The following MARCHF8 variants were observed in gnomAD, a reference collection of about 807,000 sequenced individuals.
The protein encoded by MARCHF8 is membrane associated ring-CH-type finger 8, also known as E3 ubiquitin-protein ligase MARCHF8.
In MARCHF8, 40 loss-of-function variants were observed where a neutral mutation model predicts 51.6. The ratio of observed to expected loss-of-function variants is 0.77; its 90% CI spans 0.60 to 1.01. MARCHF8 has a LOEUF of 1.01. MARCHF8 is among the 50% of genes least tolerant of loss of function. The pLI, the probability that MARCHF8 is intolerant of heterozygous loss-of-function variation, is 0.00. For synonymous variants in MARCHF8, 263 were observed against 280.3 expected, an observed-to-expected ratio of 0.94 and a Z score of 0.62; for missense variants, 685 against 708.6, an observed-to-expected ratio of 0.97 and a Z score of 0.38.
At chr10:45,567,543 C>T (rs1248443880) in intron 1 of MARCHF8, among the ~76,000 whole-genome samples, 2 of 152,022 alleles carry the variant, frequency 1.3e-5, no homozygotes, top group Non-Finnish European at 2.9e-5. Context: ...TGTCTTTTCC[C>T]CAGAGTATGT....
chr10:45,566,974 T>C (rs763906516), intron 1 of MARCHF8, among the ~76,000 whole-genome samples: 1 of 152,190 alleles, frequency 6.6e-6, no homozygotes, highest in Non-Finnish European at 1.5e-5. Context: ...GGATATGACA[T>C]ATTAATTAGG....
chr10:45,463,715 A>T lies in MARCHF8; in HGVS notation c.524T>A (p.Val175Glu), dbSNP rs1286977152. 4 of 1,551,002 alleles carry T rather than the reference A, an allele frequency of 2.6e-6. No homozygotes were observed. In the South Asian group the frequency reaches 4.8e-5, roughly 18 times the overall value. Reference protein sequence around the residue: ...AQDTSESFAYVERTCSEGKLI... With the variant: ...AQDTSESFAYEERTCSEGKLI... ...TTTCCCTTCAGAACAAGTTCTTTCC[A>T]CATAGGCAAAACTTTCTGAAGTATC... is the stretch of plus-strand genomic sequence containing the variant. Residue 175 changes from valine (V) to glutamate (E), a missense_variant, in exon 5 of 8, where the codon GTG becomes GAG. Coordinates refer to ENST00000453424, the MANE Select transcript of MARCHF8 (RefSeq NM_001282866.2).
At chr10:45,495,743 G>A (rs1322776984) in intron 2 of MARCHF8, among the ~76,000 whole-genome samples, 1 of 141,236 alleles carries the variant, frequency 7.1e-6, no homozygotes, top group African/African-American at 2.6e-5. Context: ...AATTTGTTAG[G>A]AGGGGAGGGG....
At chr10:45,465,641 G>A (rs1008275030) in intron 3 of MARCHF8, among the ~76,000 whole-genome samples, 35 of 152,234 alleles carry the variant, frequency 2.3e-4, no homozygotes, top group African/African-American at 5.3e-4. Context: ...GGCACCCATC[G>A]CATGGCTGCT....
intron 6 of MARCHF8, 69 bp from the exon 7 acceptor site, chr10:45,459,336 T>C (rs974190780): frequency 1.3e-6 from 2 of 1,521,342 alleles, no homozygotes; most frequent in Non-Finnish European, 1.8e-6. Flanking sequence ...GAGAGCATTG[T>C]AGGTAGGTAA....
At chr10:45,477,331 G>C (rs1239353623) in intron 3 of MARCHF8, among the ~76,000 whole-genome samples, 1 of 152,160 alleles carries the variant, frequency 6.6e-6, no homozygotes, top group Admixed American at 6.5e-5. Flanking sequence ...TATAAGAAAT[G>C]CTTAAGGGAA....
chr10:45,495,223 A>C (rs1452344424), intron 2 of MARCHF8, among the ~76,000 whole-genome samples: 2 of 152,172 alleles, frequency 1.3e-5, no homozygotes, highest in East Asian at 3.8e-4. Context: ...TAAAACTGAC[A>C]GCGTAAAAAC....
chr10:45,511,556 C>T lies in MARCHF8; in HGVS notation c.102+21554G>A, dbSNP rs546702868. Reference sequence around the variant, plus strand: ...CCGAGTGCCTGCGATTACAGGCGCGCGCCGCCACACCTGACTGGTTTTCTT... The same window carrying T: ...CCGAGTGCCTGCGATTACAGGCGCGTGCCGCCACACCTGACTGGTTTTCTT... On this transcript the variant is annotated intron_variant, in intron 2 of 7. Coordinates refer to ENST00000453424, the MANE Select transcript of MARCHF8 (RefSeq NM_001282866.2). 2.8e-4 allele frequency among the ~76,000 whole-genome samples: 43 copies of T among 152,358 alleles called. 1 individual carries two copies. Among genetic ancestry groups the T allele is most frequent in the Admixed American group, 1.0e-3 (16 of 15,306 alleles).
chr10:45,569,731 T>C (rs2044407402), intron 1 of MARCHF8, among the ~76,000 whole-genome samples: 1 of 152,174 alleles, frequency 6.6e-6, no homozygotes, highest in Admixed American at 6.5e-5. Flanking sequence ...ACTTCAAGTA[T>C]TGATTTAGGG....
intron 1 of MARCHF8, among the ~76,000 whole-genome samples, chr10:45,563,720 A>T (rs2044335230): frequency 6.6e-6 from 1 of 152,260 alleles, no homozygotes; most frequent in Non-Finnish European, 1.5e-5. Flanking sequence ...TAAATGAATT[A>T]AACTTGCCAA....
intron 1 of MARCHF8, among the ~76,000 whole-genome samples, chr10:45,534,066 G>C (rs369673945): frequency 6.6e-6 from 1 of 151,938 alleles, no homozygotes; most frequent in African/African-American, 2.4e-5. Flanking sequence ...GCCTGTAGTC[G>C]CAGCTACTCA....
At chr10:45,466,561 G>A (rs1447820527) in intron 3 of MARCHF8, among the ~76,000 whole-genome samples, 1 of 152,114 alleles carries the variant, frequency 6.6e-6, no homozygotes, top group Non-Finnish European at 1.5e-5. Flanking sequence ...ATTGAAGGAA[G>A]CCCCCTTCCT....
At chr10:45,536,001 T>C (rs2043965868), upstream of MARCHF8, among the ~76,000 whole-genome samples, 1 of 151,998 alleles carries the variant, frequency 6.6e-6, no homozygotes. Context: ...ACATAGAGAG[T>C]CAAAGCAATC....
chr10:45,493,325 ATTTACAGCTC>A (rs2133103507), intron 2 of MARCHF8, among the ~76,000 whole-genome samples: 1 of 152,300 alleles, frequency 6.6e-6, no homozygotes, highest in South Asian at 2.1e-4. Context: ...CTGGCAAATT[ATTTACAGCTC>A]TTTAACACAT....
At chr10:45,593,861 C>T (rs1037279843) in intron 1 of MARCHF8, among the ~76,000 whole-genome samples, 1 of 152,172 alleles carries the variant, frequency 6.6e-6, no homozygotes, top group Non-Finnish European at 1.5e-5. Flanking sequence ...AATTCATTTT[C>T]CAGATCCCAT....
At chr10:45,553,342 C>T (rs1009114902) in intron 1 of MARCHF8, 1 of 152,092 alleles carries the variant, frequency 6.6e-6, no homozygotes, top group African/African-American at 2.4e-5. Flanking sequence ...GTGGTTTTTA[C>T]AAGAACAATA....
At chr10:45,487,086 C>T (rs187810394) in intron 3 of MARCHF8, among the ~76,000 whole-genome samples, 10 of 152,216 alleles carry the variant, frequency 6.6e-5, no homozygotes, top group African/African-American at 2.4e-4. Flanking sequence ...GCTGCGATTA[C>T]AGGTGTGAGC....
intron 1 of MARCHF8, among the ~76,000 whole-genome samples, chr10:45,548,635 G>T (rs1263523756): frequency 1.3e-5 from 2 of 152,164 alleles, no homozygotes; most frequent in Non-Finnish European, 2.9e-5. Context: ...GGTTCTTTTA[G>T]CATTTCACGT....
intron 2 of MARCHF8, among the ~76,000 whole-genome samples, chr10:45,501,197 G>T (rs1164666263): frequency 1.3e-5 from 2 of 151,180 alleles, no homozygotes; most frequent in Non-Finnish European, 3.0e-5. Context: ...ATAGGCAAAG[G>T]AACTAGAATA....
Sources: gnomAD v4.1 joint callset for allele counts (sites outside exome capture counted in the v4.1 genomes callset) on GRCh38, gnomAD v4.1.1 for gene constraint, MANE v1.5 for transcripts, NCBI Gene and HGNC (gene_info 2026-07-23, HGNC 2026-07-21) for gene names.